MTMR3: variants seen among roughly 807,000 people sequenced by gnomAD.
MTMR3 encodes the protein myotubularin related protein 3, also known as phosphatidylinositol-3,5-bisphosphate 3-phosphatase MTMR3.
A neutral mutation model predicts 132.4 loss-of-function variants in MTMR3; 32 were observed. That is an observed-to-expected ratio of 0.24 (90% CI 0.18 to 0.32). The LOEUF is 0.32. MTMR3 is among the 10% of genes least tolerant of loss of function. MTMR3 has a pLI of 1.00. For synonymous variants in MTMR3, 556 were observed against 550.3 expected, an observed-to-expected ratio of 1.01 and a Z score of -0.14; for missense variants, 1,216 against 1,489.6, an observed-to-expected ratio of 0.82 and a Z score of 3.02.
At position 30,029,273 on chromosome 22, in the gene MTMR3, G is replaced by T. The variant is rs1043791108; in HGVS notation, c.*3472G>T. 1 of 152,322 alleles carries T rather than the reference G, an allele frequency of 6.6e-6. No individual in the cohort carries two copies. The highest frequency in any genetic ancestry group is 2.4e-5 in the African/African-American group (1 of 41,444). 9.4% of individuals were successfully genotyped at this position (152,322 alleles called of 1,614,324 possible). A position where few individuals can be genotyped will look rare whatever the true frequency, so the allele number is the denominator to read the frequency against. ...AGAACTTTCCTATCCTGGCACTCTC[G>T]TTACCTTTCTTCTATACCTTGGCCT... On this transcript the variant is annotated 3_prime_UTR_variant, in exon 20 of 20. Coordinates refer to ENST00000401950, the MANE Select transcript of MTMR3 (RefSeq NM_021090.4).
At chr22:30,009,168 T>C (rs2067345610) in intron 12 of MTMR3, 39 bp downstream of exon 12, 1 of 1,336,454 alleles carries the variant, frequency 7.5e-7, no homozygotes, top group Non-Finnish European at 1.1e-6. Flanking sequence ...GCATTGCTCT[T>C]AAATAATAAG....
At chr22:29,938,643 C>T (rs1453136754) in intron 1 of MTMR3, among the ~76,000 whole-genome samples, 1 of 152,082 alleles carries the variant, frequency 6.6e-6, no homozygotes, top group East Asian at 1.9e-4. Flanking sequence ...CAGACCTTTC[C>T]GAAATCTGAG....
intron 1 of MTMR3, among the ~76,000 whole-genome samples, chr22:29,898,677 T>C (rs1022234824): frequency 4.6e-5 from 7 of 152,112 alleles, no homozygotes; most frequent in African/African-American, 7.2e-5. Flanking sequence ...GCTGGTATTA[T>C]AGGCGTGAGC....
chr22:29,886,634 C>T (rs1384890069), intron 1 of MTMR3, among the ~76,000 whole-genome samples: 1 of 152,188 alleles, frequency 6.6e-6, no homozygotes, highest in Non-Finnish European at 1.5e-5. Flanking sequence ...TGGTATTCAT[C>T]TCATATAGGT....
intron 1 of MTMR3, among the ~76,000 whole-genome samples, chr22:29,936,530 A>G (rs2065753613): frequency 6.6e-6 from 1 of 152,122 alleles, no homozygotes; most frequent in Non-Finnish European, 1.5e-5. Context: ...TGATTTCTTG[A>G]TTCTCTGTGG....
intron 1 of MTMR3, among the ~76,000 whole-genome samples, chr22:29,901,333 T>C (rs2145726339): frequency 6.6e-6 from 1 of 151,528 alleles, no homozygotes; most frequent in Non-Finnish European, 1.5e-5. Flanking sequence ...GGCGAAATGT[T>C]AATGGAAGGG....
At chr22:29,897,880 C>T (rs1456314405) in intron 1 of MTMR3, among the ~76,000 whole-genome samples, 2 of 152,022 alleles carry the variant, frequency 1.3e-5, no homozygotes, top group Non-Finnish European at 2.9e-5. Flanking sequence ...CTACAAATAT[C>T]TATATATATT....
At chr22:30,019,384 C>T (rs1482373702) in intron 16 of MTMR3, 96 bp from the exon 17 acceptor site, 4 of 1,160,620 alleles carry the variant, frequency 3.4e-6, no homozygotes, top group East Asian at 2.5e-5. Context: ...CATAATGGAC[C>T]CAGTTATGAA....
At chr22:29,971,447 T>A (rs2066533834) in intron 3 of MTMR3, among the ~76,000 whole-genome samples, 1 of 152,176 alleles carries the variant, frequency 6.6e-6, no homozygotes, top group South Asian at 2.1e-4. Flanking sequence ...GATGGTAATC[T>A]GCATATTTAC....
rs777832841 is a variant in MTMR3 at position 30,017,984 on chromosome 22, C to T, written c.1732C>T (p.Pro578Ser). Reference protein sequence around the residue: ...NLMLWSAVYLPCPSPTTPVDD... With the variant: ...NLMLWSAVYLSCPSPTTPVDD... Reference sequence around the variant, plus strand: ...GATGCTGTGGAGTGCAGTGTACCTGCCCTGCCCATCCCCAACCACCCCTGT... The same window carrying T: ...GATGCTGTGGAGTGCAGTGTACCTGTCCTGCCCATCCCCAACCACCCCTGT... Residue 578 changes from proline (P) to serine (S), a missense_variant, in exon 16 of 20, where the codon CCC (proline) becomes TCC (serine). Around this residue, in one of 7 missense-constraint regions of MTMR3, gnomAD observed 852 missense variants for 852.0 expected, o/e 1.00. Transcript: ENST00000401950. 3 of 1,613,798 alleles carry T rather than the reference C, an allele frequency of 1.9e-6. No homozygotes were observed. The highest frequency in any genetic ancestry group is 1.3e-5 in the African/African-American group (1 of 74,910).
chr22:30,013,786 A>G, intron 14 of MTMR3: 1 of 360,622 alleles, frequency 2.8e-6, no homozygotes, highest in Non-Finnish European at 5.1e-6. Context: ...AAGGGATGGT[A>G]GAAACCCTAA....
At chr22:30,006,787 C>G in intron 9 of MTMR3, 1 of 285,654 alleles carries the variant, frequency 3.5e-6, no homozygotes, top group South Asian at 3.6e-5. Flanking sequence ...TCTTGAACTC[C>G]TGGGCTCAAG....
intron 1 of MTMR3, among the ~76,000 whole-genome samples, chr22:29,911,948 T>A (rs1368304045): frequency 1.3e-5 from 2 of 152,192 alleles, no homozygotes. Flanking sequence ...TTTCACTGAT[T>A]AGGCATAAAT....
chr22:30,004,550 C>CT, intron 9 of MTMR3: 1 of 152,252 alleles, frequency 6.6e-6, no homozygotes, highest in South Asian at 2.1e-4. Flanking sequence ...TTTTCCCCCC[C>CT]TTTTTCTAGA....
At chr22:30,023,573 T>G in intron 19 of MTMR3, 1 of 1,506,698 alleles carries the variant, frequency 6.6e-7, no homozygotes, top group Non-Finnish European at 9.2e-7. Flanking sequence ...TCTCTGCACT[T>G]ACTAGGGTGA....
chr22:29,942,053 C>T (rs894392643), intron 1 of MTMR3, among the ~76,000 whole-genome samples: 1 of 152,078 alleles, frequency 6.6e-6, no homozygotes, highest in African/African-American at 2.4e-5. Flanking sequence ...GATATGTTGA[C>T]CCTTCTGTGA....
intron 5 of MTMR3, chr22:29,987,673 A>C (rs143711252): frequency 6.6e-6 from 1 of 152,220 alleles, no homozygotes; most frequent in Non-Finnish European, 1.5e-5. Flanking sequence ...TTTTGCTTCT[A>C]TCTGTCTCCC....
At chr22:29,917,617 A>G (rs2065333697) in intron 1 of MTMR3, among the ~76,000 whole-genome samples, 1 of 152,202 alleles carries the variant, frequency 6.6e-6, no homozygotes, top group Admixed American at 6.5e-5. Context: ...TTGAGCCTTT[A>G]TTGTTCACCA....
At chr22:29,996,696 CT>C (rs1311556961) in intron 7 of MTMR3, 1 of 152,024 alleles carries the variant, frequency 6.6e-6, no homozygotes, top group Non-Finnish European at 1.5e-5. Flanking sequence ...TTAAAGACTC[CT>C]TGTCTGTTTT....
Sources: gnomAD v4.1 joint callset for allele counts (sites outside exome capture counted in the v4.1 genomes callset) on GRCh38, gnomAD v4.1.1 for gene constraint, gnomAD v4.1.1 regional missense constraint, MANE v1.5 for transcripts, NCBI Gene and HGNC (gene_info 2026-07-23, HGNC 2026-07-21) for gene names.